The following NKAIN2 variants were observed in gnomAD, a reference collection of about 807,000 sequenced individuals.
NKAIN2 encodes the protein sodium/potassium-transporting ATPase subunit beta-1-interacting protein 2.
In NKAIN2, 14 loss-of-function variants were observed where a neutral mutation model predicts 32.6. That is an observed-to-expected ratio of 0.43 (90% CI 0.28 to 0.67). The LOEUF is 0.67. Ranked by LOEUF, NKAIN2 falls within the 30% of genes least tolerant of loss-of-function variation. NKAIN2 has a pLI of 0.17. For missense variants in NKAIN2, 198 were observed against 258.3 expected (o/e 0.77, Z 1.60); for synonymous variants, 80 against 87.2 (o/e 0.92, Z 0.46).
intron 1 of NKAIN2, among the ~76,000 whole-genome samples, chr6:123,913,746 A>G (rs1183027009): frequency 6.6e-6 from 1 of 152,114 alleles, no homozygotes; most frequent in Non-Finnish European, 1.5e-5. Flanking sequence ...ATTCTTATTG[A>G]CCATATTGGA....
At position 124,369,880 on chromosome 6, in the gene NKAIN2, A is replaced by ATTTTTTT. The variant is rs61588781; in HGVS notation, c.273+14545_273+14551dup. ...ATTTGCTTTAGAGGGCAGAATGTCA[A>ATTTTTTT]TTTTTTTTTTTTTTTTTTAACCTGT... On this transcript the variant is annotated intron_variant, in intron 3 of 6. Transcript: ENST00000368417. Among the ~76,000 whole-genome samples, 120 of 82,364 alleles carry ATTTTTTT rather than the reference A, an allele frequency of 1.5e-3. 7 individuals carry two copies. Among genetic ancestry groups the ATTTTTTT allele is most frequent in the African/African-American group, 5.0e-3 (87 of 17,510 alleles). 54.0% of individuals were successfully genotyped at this position (82,364 alleles called of 152,430 possible).
At chr6:124,150,952 G>A (rs1262705715) in intron 1 of NKAIN2, among the ~76,000 whole-genome samples, 1 of 152,150 alleles carries the variant, frequency 6.6e-6, no homozygotes, top group East Asian at 1.9e-4. Context: ...AGTAACATTT[G>A]TAATTGTTTT....
rs541181744 is a variant in NKAIN2 at position 124,290,119 on chromosome 6, G to A, written c.192+6977G>A. Among the ~76,000 whole-genome samples the A allele has an allele frequency of 2.6e-5, 4 of 152,062 alleles. No individual in the cohort carries two copies. The East Asian group carries it at 7.7e-4, about 29-fold the overall frequency. ...GTAGTCCTAAAATAAATGTAATAAT[G>A]CAACATTGCAAATGCAATTTATTCT... On this transcript the variant is annotated intron_variant, in intron 2 of 6. Coordinates refer to ENST00000368417, the MANE Select transcript of NKAIN2 (RefSeq NM_001040214.3).
chr6:123,906,698 G>T (rs1774890414), intron 1 of NKAIN2, among the ~76,000 whole-genome samples: 1 of 152,078 alleles, frequency 6.6e-6, no homozygotes, highest in African/African-American at 2.4e-5. Context: ...TGTAGTATCT[G>T]TCTGTGTTAT....
intron 1 of NKAIN2, among the ~76,000 whole-genome samples, chr6:124,026,806 C>T (rs1160983868): frequency 6.6e-6 from 1 of 152,134 alleles, no homozygotes; most frequent in Non-Finnish European, 1.5e-5. Context: ...TTAGCTATCA[C>T]TCCTTGTTCT....
At chr6:124,194,771 A>T (rs1790232239) in intron 1 of NKAIN2, among the ~76,000 whole-genome samples, 1 of 152,194 alleles carries the variant, frequency 6.6e-6, no homozygotes, top group South Asian at 2.1e-4. Flanking sequence ...TACTACATAT[A>T]ATGGAAGGGA....
intron 1 of NKAIN2, among the ~76,000 whole-genome samples, chr6:124,007,542 T>C (rs4072795): frequency 0.54 from 81,707 of 152,044 alleles, 22,158 homozygotes; most frequent in East Asian, 0.59. Flanking sequence ...GTGTTTTATA[T>C]TGAAAATTTG....
chr6:124,732,169 C>A (rs538913122), intron 4 of NKAIN2, among the ~76,000 whole-genome samples: 1 of 152,130 alleles, frequency 6.6e-6, no homozygotes, highest in South Asian at 2.1e-4. Context: ...AGGACTTCAT[C>A]AGAAAGAGGC....
Position 123,869,664 on chromosome 6 carries a change from A to G in NKAIN2, c.54+65410A>G, listed in dbSNP as rs541180094. Among the ~76,000 whole-genome samples, 7 of 152,276 alleles carry G rather than the reference A, an allele frequency of 4.6e-5. No homozygotes were observed. In the South Asian group the frequency reaches 1.4e-3, roughly 32 times the overall value. On this transcript the variant is annotated intron_variant, in intron 1 of 6. Transcript: ENST00000368417. ...GTAAATAGCAGTGCTTTCTGCTGGT[A>G]GGGCTTTGGGAGAACATATGTGTTT...
At chr6:124,037,083 C>T (rs1781633646) in intron 1 of NKAIN2, among the ~76,000 whole-genome samples, 1 of 152,094 alleles carries the variant, frequency 6.6e-6, no homozygotes, top group Non-Finnish European at 1.5e-5. Flanking sequence ...GGTCTGCTTA[C>T]CTGTGCTGGT....
intron 1 of NKAIN2, among the ~76,000 whole-genome samples, chr6:123,904,140 C>T (rs1425415496): frequency 1.3e-5 from 2 of 151,212 alleles, no homozygotes; most frequent in Admixed American, 6.6e-5. Context: ...CTGAGGCAGG[C>T]GAATTGCTTG....
At chr6:123,809,476 A>T (rs1414448262) in intron 1 of NKAIN2, among the ~76,000 whole-genome samples, 1 of 152,164 alleles carries the variant, frequency 6.6e-6, no homozygotes, top group Non-Finnish European at 1.5e-5. Context: ...AAGGAACAAG[A>T]TAAACTTCTA....
chr6:123,967,517 C>T (rs775448256), intron 1 of NKAIN2, among the ~76,000 whole-genome samples: 2 of 152,144 alleles, frequency 1.3e-5, no homozygotes, highest in Non-Finnish European at 2.9e-5. Context: ...CCAATAATTG[C>T]AGCTTTTCAT....
chr6:124,405,537 C>CTTTTTTTTTT (rs200131120), intron 3 of NKAIN2, among the ~76,000 whole-genome samples: 1 of 139,352 alleles, frequency 7.2e-6, no homozygotes. Flanking sequence ...TTTGTTTTGT[C>CTTTTTTTTTT]TTTTTTTTTT....
chr6:123,826,135 A>G (rs1774137789), intron 1 of NKAIN2, among the ~76,000 whole-genome samples: 1 of 152,144 alleles, frequency 6.6e-6, no homozygotes, highest in South Asian at 2.1e-4. Context: ...AGTCCCAGCA[A>G]GGCCACTCCA....
intron 1 of NKAIN2, among the ~76,000 whole-genome samples, chr6:123,920,907 C>G (rs776187078): frequency 6.6e-6 from 1 of 152,130 alleles, no homozygotes; most frequent in African/African-American, 2.4e-5. Context: ...GACACATGCC[C>G]GCACACACAT....
At chr6:124,185,990 A>C (rs930388354) in intron 1 of NKAIN2, among the ~76,000 whole-genome samples, 1 of 151,002 alleles carries the variant, frequency 6.6e-6, no homozygotes, top group African/African-American at 2.5e-5. Flanking sequence ...GAACCGTAGA[A>C]GCTCGGAAAA....
intron 1 of NKAIN2, among the ~76,000 whole-genome samples, chr6:124,013,133 ATTGT>A (rs1780412945): frequency 6.6e-6 from 1 of 152,138 alleles, no homozygotes; most frequent in South Asian, 2.1e-4. Context: ...TTCCTGGTAA[ATTGT>A]TTGTACAAAT....
intron 1 of NKAIN2, among the ~76,000 whole-genome samples, chr6:124,112,502 T>C (rs1285057932): frequency 6.6e-6 from 1 of 152,204 alleles, no homozygotes; most frequent in Non-Finnish European, 1.5e-5. Flanking sequence ...CTCGTTTGTC[T>C]TTGACTTTTG....
Sources: gnomAD v4.1 joint callset for allele counts (sites outside exome capture counted in the v4.1 genomes callset) on GRCh38, gnomAD v4.1.1 for gene constraint, MANE v1.5 for transcripts, NCBI Gene and HGNC (gene_info 2026-07-23, HGNC 2026-07-21) for gene names.